Variants in PRRC2C observed in about 807,000 individuals in gnomAD.
PRRC2C encodes protein PRRC2C.
PRRC2C carries 72 observed loss-of-function variants against 317.2 expected under a neutral mutation model. The observed-to-expected ratio is 0.23, with a 90% CI of 0.19 to 0.28. PRRC2C has a LOEUF of 0.28. PRRC2C is among the 10% of genes least tolerant of loss of function. The pLI is 1.00. For missense variants in PRRC2C, 3,074 were observed against 3,459.7 expected, an observed-to-expected ratio of 0.89 and a Z score of 2.80; for synonymous variants, 1,296 against 1,205.9, an observed-to-expected ratio of 1.07 and a Z score of -1.55.
intron 18 of PRRC2C, among the ~76,000 whole-genome samples, chr1:171,551,141 CTT>C (rs1306828267): frequency 2.0e-5 from 3 of 152,124 alleles, no homozygotes; most frequent in Non-Finnish European, 4.4e-5. Flanking sequence ...TGTTTCCTGA[CTT>C]TTTAATGATT....
chr1:171,573,986 C>T (rs965785992), intron 24 of PRRC2C, among the ~76,000 whole-genome samples: 3 of 151,864 alleles, frequency 2.0e-5, no homozygotes, highest in Non-Finnish European at 4.4e-5. Flanking sequence ...CTCTATTTCT[C>T]AAAATTCTTA....
intron 19 of PRRC2C, among the ~76,000 whole-genome samples, chr1:171,559,092 G>C (rs1374483430): frequency 6.6e-6 from 1 of 152,194 alleles, no homozygotes; most frequent in Non-Finnish European, 1.5e-5. Context: ...AGAAAAGTTT[G>C]AACCTAGCAG....
Position 171,495,879 on chromosome 1 carries a change from A to G in PRRC2C, c.-58+10144A>G, listed in dbSNP as rs551557664. Among the ~76,000 whole-genome samples the G allele has an allele frequency of 4.6e-5, 7 of 152,306 alleles. No individual in the cohort carries two copies. The East Asian group carries it at 9.6e-4, about 21-fold the overall frequency. Reference sequence around the variant, plus strand: ...TAAAAAACAGAAATTTATTTCTGACAGTTTTGGAGGCTGGAAGTCTGAGAT... The same window carrying G: ...TAAAAAACAGAAATTTATTTCTGACGGTTTTGGAGGCTGGAAGTCTGAGAT... On this transcript the variant is annotated intron_variant, in intron 1 of 34. Coordinates refer to ENST00000647382, the MANE Select transcript of PRRC2C (RefSeq NM_001387844.1).
intron 17 of PRRC2C, among the ~76,000 whole-genome samples, chr1:171,549,312 C>T (rs979506598): frequency 1.3e-5 from 2 of 152,320 alleles, no homozygotes; most frequent in South Asian, 2.1e-4. Flanking sequence ...GCTGATACTA[C>T]AGGCATGTGC....
intron 34 of PRRC2C, among the ~76,000 whole-genome samples, 182 bp downstream of exon 34, chr1:171,589,787 CT>C (rs897816545): frequency 4.6e-5 from 7 of 150,826 alleles, no homozygotes; most frequent in African/African-American, 1.5e-4. Context: ...TTCCTTTCAT[CT>C]TTTTTTTCTT....
At chr1:171,491,129 A>G (rs1222424331) in intron 1 of PRRC2C, among the ~76,000 whole-genome samples, 2 of 152,236 alleles carry the variant, frequency 1.3e-5, no homozygotes, top group African/African-American at 4.8e-5. Flanking sequence ...AATTAAAGAT[A>G]AAGGGGAAGA....
chr1:171,557,492 C>T lies in PRRC2C; in HGVS notation c.5380C>T (p.Pro1794Ser), dbSNP rs751013208. 2 of 1,551,438 alleles carry T rather than the reference C, an allele frequency of 1.3e-6. No homozygotes were observed. Among genetic ancestry groups the T allele is most frequent in the South Asian group, 2.4e-5 (2 of 84,052 alleles). ...SAPVPASTLA[P>S]VLASTSAPVP... The stretch of plus-strand genomic sequence containing the variant: ...TCCGGTTCCAGCCTCAACTTTAGCT[C>T]CAGTTCTGGCCTCAACCTCAGCTCC... The change falls in exon 19 of 35, where the codon CCA becomes TCA. Residue 1794 changes from proline (P) to serine (S), a missense_variant. By Grantham distance (74) the Pro-to-Ser change is moderately conservative (BLOSUM62 -1). Around this residue, in one of 11 missense-constraint regions of PRRC2C, gnomAD observed 640 missense variants for 676.1 expected, o/e 0.95. Coordinates refer to ENST00000647382, the MANE Select transcript of PRRC2C (RefSeq NM_001387844.1).
chr1:171,500,359 A>G (rs1460707550), intron 1 of PRRC2C, among the ~76,000 whole-genome samples: 2 of 152,200 alleles, frequency 1.3e-5, no homozygotes, highest in Non-Finnish European at 2.9e-5. Context: ...TGTGGAAACC[A>G]CTTAGACTTT....
Position 171,517,735 on chromosome 1 carries a change from C to A in PRRC2C, c.671C>A (p.Ala224Asp). Residue 224 changes from alanine to aspartate, a missense_variant, in exon 6 of 35, where the codon GCT (alanine) becomes GAT (aspartate). By Grantham distance (126) the Ala-to-Asp change is moderately radical. This residue lies in a region of PRRC2C where 237 missense variants were observed against 199.5 expected (regional missense o/e 1.19). Coordinates refer to ENST00000647382, the MANE Select transcript of PRRC2C (RefSeq NM_001387844.1). ...DILKVVEKRIACGPPQAKLNG... is the reference protein window; with the variant it reads ...DILKVVEKRIDCGPPQAKLNG... ...CTCAAAGTGGTGGAAAAGAGGATAG[C>A]TTGTGGTCCTCCACAGGCTAAACTG... The A allele has an allele frequency of 6.2e-7, 1 of 1,613,800 alleles. No individual in the cohort carries two copies. Among genetic ancestry groups the A allele is most frequent in the Non-Finnish European group, 8.5e-7 (1 of 1,179,866 alleles).
chr1:171,535,715 AT>A, intron 13 of PRRC2C, 118 bp downstream of exon 13: 1 of 1,256,350 alleles, frequency 8.0e-7, no homozygotes, highest in Non-Finnish European at 1.1e-6. Context: ...CCTTGAAATT[AT>A]TTTTCCTTGT....
chr1:171,494,952 A>C (rs7536723), intron 1 of PRRC2C, among the ~76,000 whole-genome samples: 78,029 of 152,038 alleles, frequency 0.51, 20,101 homozygotes, highest in East Asian at 0.6. Flanking sequence ...CTTTAGCAAA[A>C]TTACACGTCA....
intron 11 of PRRC2C, among the ~76,000 whole-genome samples, chr1:171,528,554 G>A (rs1675156055): frequency 6.6e-6 from 1 of 152,070 alleles, no homozygotes; most frequent in African/African-American, 2.4e-5. Flanking sequence ...GCCTCCCAAA[G>A]TGCTGGGATT....
At chr1:171,555,397 A>G (rs1681183737) in intron 18 of PRRC2C, among the ~76,000 whole-genome samples, 1 of 152,010 alleles carries the variant, frequency 6.6e-6, no homozygotes, top group Admixed American at 6.6e-5. Context: ...TTTCCTTGTG[A>G]TGGGTTTGAA....
intron 12 of PRRC2C, 62 bp from the exon 13 acceptor site, chr1:171,535,366 A>G (rs1676626020): frequency 1.4e-6 from 2 of 1,448,882 alleles, no homozygotes; most frequent in East Asian, 4.7e-5. Flanking sequence ...TCTTTGTAAA[A>G]ATCCTGTGTT....
intron 16 of PRRC2C, among the ~76,000 whole-genome samples, 169 bp downstream of exon 16, chr1:171,542,398 G>C (rs1040041814): frequency 9.9e-5 from 15 of 152,226 alleles, no homozygotes; most frequent in African/African-American, 3.6e-4. Flanking sequence ...TTAAGGAAGA[G>C]AGGTTAAGGT....
chr1:171,524,715 C>T (rs977725929), intron 9 of PRRC2C, 106 bp from the exon 10 acceptor site: 31 of 1,106,536 alleles, frequency 2.8e-5, no homozygotes, highest in Non-Finnish European at 3.7e-5. Flanking sequence ...TAATACATTT[C>T]CCCCCCCAGA....
intron 17 of PRRC2C, among the ~76,000 whole-genome samples, chr1:171,546,719 G>T (rs190006544): frequency 1.1e-3 from 162 of 152,278 alleles, no homozygotes; most frequent in African/African-American, 3.7e-3. Context: ...CCCAGCCTCA[G>T]CTTCCCGAGT....
intron 26 of PRRC2C, among the ~76,000 whole-genome samples, 173 bp from the exon 27 acceptor site, chr1:171,579,181 G>C (rs978945134): frequency 2.0e-5 from 3 of 152,076 alleles, no homozygotes; most frequent in African/African-American, 7.2e-5. Flanking sequence ...TCTACTAGAA[G>C]TTTTCCATCT....
intron 1 of PRRC2C, among the ~76,000 whole-genome samples, chr1:171,496,774 CGT>C (rs71688813): frequency 0.14 from 20,820 of 146,746 alleles, 1,530 homozygotes; most frequent in Non-Finnish European, 0.18. Flanking sequence ...ACATTTGGGG[CGT>C]GTGTGTGTGT....
Sources: allele counts gnomAD v4.1 joint callset (sites outside exome capture counted in the v4.1 genomes callset), GRCh38; gene constraint gnomAD v4.1.1; regional missense constraint gnomAD v4.1.1; transcripts MANE v1.5; gene names NCBI Gene and HGNC (gene_info 2026-07-23, HGNC 2026-07-21).